The following DIAPH2 variants were observed in gnomAD, a reference collection of about 807,000 sequenced individuals.
The protein encoded by DIAPH2 is diaphanous related formin 2, also known as protein diaphanous homolog 2.
Under a neutral mutation model 92.7 loss-of-function variants are expected in DIAPH2, and 35 were observed. That is an observed-to-expected ratio of 0.38 (90% CI 0.29 to 0.50). The LOEUF (loss-of-function observed/expected upper bound fraction) is 0.50. Among genes scored for constraint, DIAPH2 ranks in the 20% least tolerant of loss-of-function variants. The pLI is 0.94. For missense variants in DIAPH2, 701 were observed against 819.5 expected (o/e 0.86, Z 1.77); for synonymous variants, 301 against 280.4 (o/e 1.07, Z -0.73).
At chrX:97,048,802 G>A (rs2066501242) in intron 17 of DIAPH2, among the ~76,000 whole-genome samples, 1 of 110,678 alleles carries the variant, frequency 9.0e-6, no homozygotes, top group African/African-American at 3.3e-5. Context: ...ATTTTTCAAT[G>A]GTTTATAGTT....
intron 9 of DIAPH2, among the ~76,000 whole-genome samples, chrX:96,924,166 C>T (rs777715155): frequency 9.0e-6 from 1 of 111,390 alleles, no homozygotes; most frequent in South Asian, 3.8e-4. Context: ...AACAAGGCAT[C>T]GAGGCTTATG....
At chrX:96,954,916 C>G (rs1482837829) in intron 15 of DIAPH2, among the ~76,000 whole-genome samples, 1 of 112,774 alleles carries the variant, frequency 8.9e-6, no homozygotes, top group Non-Finnish European at 1.9e-5. Context: ...GGAATTTAAT[C>G]CATAACCTTG....
intron 22 of DIAPH2, among the ~76,000 whole-genome samples, chrX:97,206,547 G>A (rs763670636): frequency 5.1e-4 from 57 of 111,187 alleles, no homozygotes; most frequent in African/African-American, 1.8e-3. Flanking sequence ...GATCTTTTAC[G>A]TTGAAAGACT....
chrX:96,690,500 G>A (rs1423578169), intron 1 of DIAPH2, among the ~76,000 whole-genome samples: 1 of 111,677 alleles, frequency 9.0e-6, no homozygotes, highest in African/African-American at 3.3e-5. Context: ...AATCAAATAT[G>A]ATTATGGTTG....
intron 1 of DIAPH2, among the ~76,000 whole-genome samples, chrX:96,685,943 A>T (rs964619014): frequency 1.8e-5 from 2 of 112,371 alleles, no homozygotes; most frequent in African/African-American, 6.5e-5. Flanking sequence ...CGATGGTAGC[A>T]GTCCATTTCC....
At chrX:96,702,454 T>C (rs1052899311) in intron 1 of DIAPH2, among the ~76,000 whole-genome samples, 1 of 112,188 alleles carries the variant, frequency 8.9e-6, no homozygotes, top group Non-Finnish European at 1.9e-5. Flanking sequence ...TGGTGCTGGG[T>C]GGAATGTGAT....
intron 4 of DIAPH2, among the ~76,000 whole-genome samples, chrX:96,780,623 A>G (rs1481951372): frequency 9.1e-6 from 1 of 109,309 alleles, no homozygotes; most frequent in Non-Finnish European, 1.9e-5. Flanking sequence ...CTGGGACTAT[A>G]AGTGTGTGCC....
At chrX:96,698,984 A>G (rs1465275378) in intron 1 of DIAPH2, among the ~76,000 whole-genome samples, 1 of 109,376 alleles carries the variant, frequency 9.1e-6, no homozygotes, top group African/African-American at 3.3e-5. Flanking sequence ...TCCTGCCTCA[A>G]CTCAGCCTCT....
chrX:97,098,134 G>C (rs1388225899), intron 19 of DIAPH2, among the ~76,000 whole-genome samples: 1 of 111,796 alleles, frequency 8.9e-6, no homozygotes, highest in African/African-American at 3.3e-5. Context: ...TAGGGGTATA[G>C]TACAGTTGTT....
At chrX:97,017,995 C>T (rs184028830) in intron 17 of DIAPH2, among the ~76,000 whole-genome samples, 1 of 112,390 alleles carries the variant, frequency 8.9e-6, no homozygotes, top group Non-Finnish European at 1.9e-5. Context: ...AAGGAAATTG[C>T]TGCTTGCAAA....
At position 97,428,263 on chromosome X, in the gene DIAPH2, C is replaced by A. The variant is rs1395133615; in HGVS notation, c.3146-1387C>A. ...ATGTATTTTCAGCTGGGCGCAGTGGCTCACGCCTATAATCCCAGTACTTTG... is the reference window on the plus strand; with the variant it reads ...ATGTATTTTCAGCTGGGCGCAGTGGATCACGCCTATAATCCCAGTACTTTG... On this transcript the variant is annotated intron_variant, in intron 25 of 26. Transcript: ENST00000324765. Among the ~76,000 whole-genome samples, 3 of 112,134 alleles carry A rather than the reference C, an allele frequency of 2.7e-5. No individual in the cohort carries two copies. The Admixed American group carries it at 2.8e-4, about 11-fold the overall frequency.
At chrX:97,113,850 G>A (rs1448151966) in intron 20 of DIAPH2, among the ~76,000 whole-genome samples, 2 of 111,772 alleles carry the variant, frequency 1.8e-5, no homozygotes, top group Admixed American at 1.9e-4. Flanking sequence ...TATTTTCACT[G>A]TGTGCATGTG....
At chrX:97,299,280 A>G (rs1481100470) in intron 23 of DIAPH2, among the ~76,000 whole-genome samples, 1 of 111,678 alleles carries the variant, frequency 9.0e-6, no homozygotes, top group Non-Finnish European at 1.9e-5. Flanking sequence ...TGCTTGAACT[A>G]AATATACCCA....
At chrX:97,472,773 T>C (rs2070573368) in intron 26 of DIAPH2, among the ~76,000 whole-genome samples, 3 of 112,404 alleles carry the variant, frequency 2.7e-5, no homozygotes, top group Non-Finnish European at 3.8e-5. Context: ...GCCTTACTCA[T>C]CACAGTATCT....
intron 17 of DIAPH2, among the ~76,000 whole-genome samples, chrX:96,972,115 A>G (rs1257706657): frequency 3.6e-5 from 4 of 111,525 alleles, no homozygotes; most frequent in Non-Finnish European, 7.5e-5. Flanking sequence ...ACTCAGCTGC[A>G]TTCTGGAAGG....
chrX:96,899,481 T>C (rs2147768804), intron 5 of DIAPH2, among the ~76,000 whole-genome samples: 1 of 111,458 alleles, frequency 9.0e-6, no homozygotes, highest in African/African-American at 3.3e-5. Flanking sequence ...TTTCTTCTCT[T>C]TGAGGCAATT....
chrX:97,083,560 G>T (rs1156913640), intron 19 of DIAPH2, among the ~76,000 whole-genome samples: 2 of 111,113 alleles, frequency 1.8e-5, no homozygotes, highest in African/African-American at 6.5e-5. Flanking sequence ...ATGTTTAGCA[G>T]TATCTGTGGC....
intron 19 of DIAPH2, among the ~76,000 whole-genome samples, chrX:97,090,992 T>C (rs2066820760): frequency 9.0e-6 from 1 of 111,308 alleles, no homozygotes; most frequent in Non-Finnish European, 1.9e-5. Context: ...CCAAAATATA[T>C]GTTATTTAGT....
intron 7 of DIAPH2, among the ~76,000 whole-genome samples, chrX:96,913,034 G>C (rs1490967136): frequency 9.1e-6 from 1 of 109,498 alleles, no homozygotes; most frequent in Non-Finnish European, 1.9e-5. Flanking sequence ...AGGATTTCAG[G>C]GATGATATAA....
Sources: allele counts gnomAD v4.1 joint callset (sites outside exome capture counted in the v4.1 genomes callset), GRCh38; gene constraint gnomAD v4.1.1; transcripts MANE v1.5; gene names NCBI Gene and HGNC (gene_info 2026-07-23, HGNC 2026-07-21).